Variants in WNK1 observed in about 807,000 individuals in gnomAD.
The protein encoded by WNK1 is serine/threonine-protein kinase WNK1.
WNK1 carries 38 observed loss-of-function variants against 222.8 expected under a neutral mutation model. The observed-to-expected ratio is 0.17, with a 90% CI of 0.13 to 0.22. The LOEUF is 0.22. Ranked by LOEUF, WNK1 falls within the 10% of genes least tolerant of loss-of-function variation. The probability of loss-of-function intolerance (pLI) is 1.00; values close to 1 mark genes in which losing one functional copy is unlikely to be tolerated. For synonymous variants in WNK1, 1,090 were observed against 1,092.9 expected, an observed-to-expected ratio of 1.00 and a Z score of 0.05; for missense variants, 2,348 against 2,918.4, an observed-to-expected ratio of 0.80 and a Z score of 4.50.
At position 884,222 on chromosome 12, in the gene WNK1, C is replaced by T. The variant is rs1315929955; in HGVS notation, c.3823C>T (p.Pro1275Ser). Residue 1275 changes from proline (P) to serine (S), a missense_variant, in exon 18 of 28, where the codon CCC becomes TCC. Coordinates refer to ENST00000315939, the MANE Select transcript of WNK1 (RefSeq NM_018979.4). The surrounding 1 kb of genome is among the most constrained non-coding windows in gnomAD (Gnocchi z 5.6). ...CCGATTACGAGAATCAAAAGTTTTC[C>T]CCAGTGAAATAACAGATACAGGTAA... ...ESRLRESKVF[P>S]SEITDTVAAS... 1.2e-6 allele frequency: 2 copies of T among 1,613,992 alleles called. No homozygotes were observed. Among genetic ancestry groups the T allele is most frequent in the Non-Finnish European group, 1.7e-6 (2 of 1,179,970 alleles).
rs398088143 is a variant in WNK1, at chr12:754,339, A to ACTT, written c.759+16_759+18dup. 0.063 allele frequency: 101,387 copies of ACTT among 1,613,104 alleles called. 3,750 individuals carry two copies. The highest frequency in any genetic ancestry group is 0.14 in the African/African-American group (10,687 of 74,996). ...GTGAACTGCAGGTAAAGCCCCACCT[A>ACTT]CTTTATTTGACGGTCCTTTGGATCC... On this transcript the variant is annotated intron_variant, in intron 1 of 27. Transcript: ENST00000315939.
chr12:832,397 T>G (rs751819756), intron 4 of WNK1, among the ~76,000 whole-genome samples: 4 of 152,180 alleles, frequency 2.6e-5, no homozygotes, highest in Non-Finnish European at 5.9e-5. Flanking sequence ...TAGGAAACAT[T>G]TTGCTTTAGG....
Position 801,423 on chromosome 12 carries a change from T to TTGTGTGTGTGTG in WNK1, c.760-12189_760-12178dup, listed in dbSNP as rs367875366. ...AACTCCCAATATAACCTTTTTTTCT[T>TTGTGTGTGTGTG]TGTGTGTGTGTGTGTGTGTGTGTGT... On this transcript the variant is annotated intron_variant, in intron 1 of 27. Coordinates refer to ENST00000315939, the MANE Select transcript of WNK1 (RefSeq NM_018979.4). Among the ~76,000 whole-genome samples the TTGTGTGTGTGTG allele has an allele frequency of 8.1e-4, 116 of 143,986 alleles. 1 individual carries two copies. The highest frequency in any genetic ancestry group is 2.7e-3 in the African/African-American group (105 of 38,448). The allele number at this position is 143,986 out of a possible 152,430, so 94.5% of individuals were successfully genotyped here. A position where few individuals can be genotyped will look rare whatever the true frequency, so the allele number is the denominator to read the frequency against.
At chr12:853,088 T>C (rs1445889513) in intron 4 of WNK1, among the ~76,000 whole-genome samples, 1 of 152,172 alleles carries the variant, frequency 6.6e-6, no homozygotes, top group Admixed American at 6.5e-5. Context: ...ACTGGACTGG[T>C]AAGGTGTGTC....
Position 883,076 on chromosome 12 carries a change from A to G in WNK1, c.3489+17A>G, listed in dbSNP as rs185323017. 1,775 of 1,547,772 alleles carry G rather than the reference A, an allele frequency of 1.1e-3. 17 individuals carry two copies. The highest frequency in any genetic ancestry group is 2.2e-4 in the Non-Finnish European group (247 of 1,119,516). The stretch of plus-strand genomic sequence containing the variant: ...ACAATTATGGTACGTCTGCATTTGG[A>G]GTTCTAGGTTTTTCCTTAGTACTTG... On this transcript the variant is annotated intron_variant, in intron 15 of 27. Transcript: ENST00000315939.
At position 906,143 on chromosome 12, in the gene WNK1, C is replaced by T. The variant is rs2286027; in HGVS notation, c.6644-1704C>T. On this transcript the variant is annotated intron_variant, in intron 26 of 27. Coordinates refer to ENST00000315939, the MANE Select transcript of WNK1 (RefSeq NM_018979.4). Reference sequence around the variant, plus strand: ...GCAGGATAACGCATGCACTTACTTACCCCCGCATTACTTGGGTACCTTAAG... The same window carrying T: ...GCAGGATAACGCATGCACTTACTTATCCCCGCATTACTTGGGTACCTTAAG... Among the ~76,000 whole-genome samples, 8 of 152,272 alleles carry T rather than the reference C, an allele frequency of 5.3e-5. No homozygotes were observed. In the East Asian group the frequency reaches 1.5e-3, roughly 29 times the overall value.
At position 907,775 on chromosome 12, in the gene WNK1, G is replaced by A. The variant is rs1376156137; in HGVS notation, c.6644-72G>A. 8.3e-6 allele frequency: 13 copies of A among 1,559,036 alleles called. No individual in the cohort carries two copies. The Admixed American group carries it at 8.3e-5, about 10-fold the overall frequency. ...TCTGTGGCTTGCCATTCATCATCCC[G>A]TGAAGTTTTCCCTCTTCCTGAAATT... On this transcript the variant is annotated intron_variant, in intron 26 of 27. Transcript: ENST00000315939.
At chr12:818,325 G>A (rs562089268) in intron 2 of WNK1, among the ~76,000 whole-genome samples, 1 of 152,284 alleles carries the variant, frequency 6.6e-6, no homozygotes, top group Admixed American at 6.5e-5. Context: ...AAGAGCATTA[G>A]ACTTGCAGTA....
At chr12:844,135 A>G (rs1949837710) in intron 4 of WNK1, among the ~76,000 whole-genome samples, 1 of 150,986 alleles carries the variant, frequency 6.6e-6, no homozygotes, top group Non-Finnish European at 1.5e-5. Context: ...TCTTTATTTT[A>G]TTTTATTTTT....
intron 1 of WNK1, among the ~76,000 whole-genome samples, chr12:802,621 T>TA (rs545771178): frequency 1.4e-4 from 21 of 150,410 alleles, no homozygotes; most frequent in South Asian, 4.2e-4. Context: ...AAAGGACAAT[T>TA]AAAAAAAAAA....
At position 909,694 on chromosome 12, in the gene WNK1, A is replaced by C. The variant is rs967738672; in HGVS notation, c.*902A>C. The C allele has an allele frequency of 1.3e-5, 2 of 152,212 alleles. No individual in the cohort carries two copies. Among genetic ancestry groups the C allele is most frequent in the African/African-American group, 4.8e-5 (2 of 41,456 alleles). 9.4% of individuals were successfully genotyped at this position (152,212 alleles called of 1,614,324 possible). On this transcript the variant is annotated 3_prime_UTR_variant, in exon 28 of 28. Transcript: ENST00000315939. Reference sequence around the variant, plus strand: ...CCCAGTGTTGCTTGCTGGACATTTTAGTGCCTTGGACTTCTATTGCTTCTG... The same window carrying C: ...CCCAGTGTTGCTTGCTGGACATTTTCGTGCCTTGGACTTCTATTGCTTCTG...
chr12:794,518 A>T lies in WNK1; in HGVS notation c.760-19124A>T, dbSNP rs928084848. 1.3e-3 allele frequency among the ~76,000 whole-genome samples: 174 copies of T among 137,346 alleles called. 2 individuals are homozygous for T. The highest frequency in any genetic ancestry group is 8.4e-3 in the South Asian group (36 of 4,300). The allele number at this position is 137,346 out of a possible 152,430, so 90.1% of individuals were successfully genotyped here. The stretch of plus-strand genomic sequence containing the variant: ...GTTGGTTGAATTTTTTTTTTTTTTT[A>T]AATGAAAGGGTGTTGGACTTCGGTG... On this transcript the variant is annotated intron_variant, in intron 1 of 27. Coordinates refer to ENST00000315939, the MANE Select transcript of WNK1 (RefSeq NM_018979.4).
intron 9 of WNK1, among the ~76,000 whole-genome samples, chr12:872,272 C>A (rs1354648380): frequency 6.6e-6 from 1 of 152,138 alleles, no homozygotes; most frequent in Non-Finnish European, 1.5e-5. Context: ...ACTACAGGCG[C>A]GTGCCACTAT....
chr12:865,033 C>T (rs1280080544), intron 8 of WNK1: 2 of 1,424,826 alleles, frequency 1.4e-6, no homozygotes, highest in Non-Finnish European at 1.8e-6. Flanking sequence ...GCAACTATGC[C>T]CTGTTATCAT....
chr12:896,809 T>C (rs1954766743), intron 24 of WNK1, 77 bp downstream of exon 24: 1 of 1,519,468 alleles, frequency 6.6e-7, no homozygotes, highest in South Asian at 1.2e-5. Context: ...ATTAATAATA[T>C]TTTTCGCCAC....
At chr12:788,009 T>C (rs999772315) in intron 1 of WNK1, among the ~76,000 whole-genome samples, 5 of 152,126 alleles carry the variant, frequency 3.3e-5, no homozygotes, top group African/African-American at 1.2e-4. Context: ...CTGGTTGAGC[T>C]GGCCATTGGG....
intron 8 of WNK1, chr12:868,919 C>T: frequency 6.3e-7 from 1 of 1,595,338 alleles, no homozygotes; most frequent in Non-Finnish European, 8.5e-7. Context: ...CAGTGATTTT[C>T]AGTCACCTCC....
intron 24 of WNK1, 98 bp downstream of exon 24, chr12:896,830 T>G (rs1954768727): frequency 7.3e-7 from 1 of 1,363,616 alleles, no homozygotes; most frequent in African/African-American, 1.5e-5. Flanking sequence ...AATATGCTAA[T>G]GTCTCATTTC....
intron 1 of WNK1, among the ~76,000 whole-genome samples, chr12:762,193 G>C (rs1720254008): frequency 6.9e-6 from 1 of 145,334 alleles, no homozygotes; most frequent in Admixed American, 6.8e-5. Flanking sequence ...CCGAGTAGCT[G>C]GGATTACAGG....
Sources: allele counts gnomAD v4.1 joint callset (sites outside exome capture counted in the v4.1 genomes callset), GRCh38; gene constraint gnomAD v4.1.1; non-coding constraint Gnocchi (gnomAD v3.1); transcripts MANE v1.5; gene names NCBI Gene and HGNC (gene_info 2026-07-23, HGNC 2026-07-21).